Variants in NOS1 observed in about 807,000 individuals in gnomAD.
NOS1 encodes the protein NOS type I.
Under a neutral mutation model 164.5 loss-of-function variants are expected in NOS1, and 51 were observed. The ratio of observed to expected loss-of-function variants is 0.31; its 90% CI spans 0.25 to 0.39. The LOEUF (loss-of-function observed/expected upper bound fraction) is 0.39. Ranked by LOEUF, NOS1 falls within the 10% of genes least tolerant of loss-of-function variation. The pLI is 1.00. For missense variants in NOS1, 1,362 were observed against 1,885.6 expected, an observed-to-expected ratio of 0.72 and a Z score of 5.14; for synonymous variants, 719 against 745.8, an observed-to-expected ratio of 0.96 and a Z score of 0.59.
intron 1 of NOS1, among the ~76,000 whole-genome samples, chr12:117,331,966 CT>C (rs1875570218): frequency 6.6e-6 from 1 of 152,224 alleles, no homozygotes; most frequent in Non-Finnish European, 1.5e-5. Flanking sequence ...GGGAATGACA[CT>C]GCCTTCCATG....
chr12:117,247,289 T>C (rs1390249104), intron 18 of NOS1, 59 bp downstream of exon 18: 1 of 1,370,614 alleles, frequency 7.3e-7, no homozygotes, highest in African/African-American at 1.5e-5. Flanking sequence ...GTTTAGGTGC[T>C]GTCTTTGGGG....
At chr12:117,274,726 C>T (rs1398576548) in intron 9 of NOS1, among the ~76,000 whole-genome samples, 3 of 134,414 alleles carry the variant, frequency 2.2e-5, no homozygotes, top group African/African-American at 5.6e-5. Flanking sequence ...GCCAAGATGG[C>T]GCTACTGCAC....
At chr12:117,289,142 A>C (rs1348230875) in intron 4 of NOS1, among the ~76,000 whole-genome samples, 1 of 152,232 alleles carries the variant, frequency 6.6e-6, no homozygotes, top group African/African-American at 2.4e-5. Flanking sequence ...AAGCAATATA[A>C]TGGTTTGTTG....
chr12:117,326,947 A>T (rs1875282679), intron 2 of NOS1, among the ~76,000 whole-genome samples: 1 of 151,958 alleles, frequency 6.6e-6, no homozygotes, highest in South Asian at 2.1e-4. Flanking sequence ...CCTGGAGGGG[A>T]AGGACCCAGC....
intron 2 of NOS1, among the ~76,000 whole-genome samples, chr12:117,312,256 A>G (rs1273005752): frequency 6.6e-6 from 1 of 152,222 alleles, no homozygotes; most frequent in Non-Finnish European, 1.5e-5. Context: ...TATATTAGAC[A>G]CGGGTTCTCC....
At chr12:117,352,176 A>AATACATACATACATAC (rs71444621) in intron 1 of NOS1, among the ~76,000 whole-genome samples, 4 of 149,112 alleles carry the variant, frequency 2.7e-5, no homozygotes, top group South Asian at 2.2e-4. Context: ...CTGTCTCAGA[A>AATACATACATACATAC]ATACATACAT....
intron 5 of NOS1, among the ~76,000 whole-genome samples, chr12:117,287,468 C>T (rs1474053346): frequency 2.0e-5 from 3 of 151,678 alleles, no homozygotes; most frequent in East Asian, 3.9e-4. Context: ...GATGGAGTCT[C>T]GCTCTGTTCG....
At chr12:117,253,244 C>T (rs550345654) in intron 17 of NOS1, among the ~76,000 whole-genome samples, 1 of 152,086 alleles carries the variant, frequency 6.6e-6, no homozygotes, top group Non-Finnish European at 1.5e-5. Flanking sequence ...TTTTGAGGAG[C>T]CTCCAGGATT....
Position 117,286,198 on chromosome 12 carries a change from T to G in NOS1, c.1196A>C (p.Tyr399Ser). 1 of 1,614,202 alleles carries G rather than the reference T, an allele frequency of 6.2e-7. No homozygotes were observed. Among genetic ancestry groups the G allele is most frequent in the Non-Finnish European group, 8.5e-7 (1 of 1,180,040 alleles). Residue 399 changes from tyrosine to serine, a missense_variant, in exon 6 of 29, where the codon TAC (tyrosine) becomes TCC (serine). Physicochemically the swap from Tyr to Ser is moderately radical, Grantham distance 144 (BLOSUM62 -2). Coordinates refer to ENST00000317775, the MANE Select transcript of NOS1 (RefSeq NM_000620.5). The part of the protein sequence containing the change: ...VNKEIDTTST[Y>S]QLKDTELIYG... ...GATGAGCTCTGTGTCCTTGAGCTGG[T>G]AAGTGCTAGTGGTGTCGATCTCTTT...
At position 117,211,455 on chromosome 12, in the gene NOS1, T is replaced by C. The variant is rs1249406321; in HGVS notation, c.*3854A>G. ...TGGCCAGAACTTTCTTTTCCAAGTATAACTCCAATCGCCTTAATGTCCCTT... is the reference window on the plus strand; with the variant it reads ...TGGCCAGAACTTTCTTTTCCAAGTACAACTCCAATCGCCTTAATGTCCCTT... On this transcript the variant is annotated 3_prime_UTR_variant, in exon 29 of 29. Coordinates refer to ENST00000317775, the MANE Select transcript of NOS1 (RefSeq NM_000620.5). 1.0e-6 allele frequency: 1 copy of C among 984,978 alleles called. No homozygotes were observed. Among genetic ancestry groups the C allele is most frequent in the Non-Finnish European group, 1.2e-6 (1 of 829,684 alleles). The allele number at this position is 984,978 out of a possible 1,614,324, so 61.0% of individuals were successfully genotyped here.
intron 2 of NOS1, among the ~76,000 whole-genome samples, chr12:117,329,148 A>G (rs2136073255): frequency 6.6e-6 from 1 of 152,242 alleles, no homozygotes; most frequent in East Asian, 1.9e-4. Context: ...ATATTTATAT[A>G]TTTATCTTAT....
chr12:117,262,038 G>A (rs1278268946), intron 13 of NOS1, among the ~76,000 whole-genome samples: 5 of 152,104 alleles, frequency 3.3e-5, no homozygotes, highest in African/African-American at 1.2e-4. Flanking sequence ...CAGACAAATC[G>A]CTAACTTCCC....
intron 12 of NOS1, 47 bp downstream of exon 12, chr12:117,265,269 C>G (rs988434925): frequency 2.0e-6 from 3 of 1,463,452 alleles, no homozygotes; most frequent in African/African-American, 2.8e-5. Flanking sequence ...ACACACACAC[C>G]AGATACAGGA....
rs1020746948 is a variant in NOS1 at position 117,272,914 on chromosome 12, A to G, written c.1665-355T>C. 2.6e-5 allele frequency among the ~76,000 whole-genome samples: 4 copies of G among 152,158 alleles called. No homozygotes were observed. The highest frequency in any genetic ancestry group is 5.9e-5 in the Non-Finnish European group (4 of 68,018). On this transcript the variant is annotated intron_variant, in intron 9 of 28. Transcript: ENST00000317775. This position sits in a 1 kb window ranked among gnomAD's most constrained non-coding sequence, Gnocchi z 4.3. ...CCTCCTACCCTCAGGGCCTTTGCAC[A>G]GGCAGCCAAACTTCAGAGCCAAACT...
At chr12:117,253,368 C>T (rs1350271694) in intron 17 of NOS1, among the ~76,000 whole-genome samples, 2 of 152,026 alleles carry the variant, frequency 1.3e-5, no homozygotes, top group African/African-American at 4.8e-5. Flanking sequence ...TCCTTCAGCA[C>T]AAACAATGGG....
At chr12:117,275,958 C>T (rs1418840924) in intron 9 of NOS1, among the ~76,000 whole-genome samples, 1 of 151,986 alleles carries the variant, frequency 6.6e-6, no homozygotes, top group Non-Finnish European at 1.5e-5. Context: ...GTGTTGCTGG[C>T]CCGAGACCTT....
rs113232704 is a variant in NOS1, at chr12:117,298,393, G to A, written c.853-7967C>T. On this transcript the variant is annotated intron_variant, in intron 3 of 28. Coordinates refer to ENST00000317775, the MANE Select transcript of NOS1 (RefSeq NM_000620.5). ...ATGAAGCTTCACTTGCTCGCCTGCCGCTCACCTCCTGCTGTGCAGCCCAGC... is the reference window on the plus strand; with the variant it reads ...ATGAAGCTTCACTTGCTCGCCTGCCACTCACCTCCTGCTGTGCAGCCCAGC... Among the ~76,000 whole-genome samples, 1,191 of 152,220 alleles carry A rather than the reference G, an allele frequency of 7.8e-3. 8 individuals are homozygous for A. The highest frequency in any genetic ancestry group is 0.013 in the Non-Finnish European group (864 of 68,012).
chr12:117,258,015 G>T (rs1460749569), intron 16 of NOS1, among the ~76,000 whole-genome samples: 1 of 151,998 alleles, frequency 6.6e-6, no homozygotes, highest in African/African-American at 2.4e-5. Context: ...ATGTTGGCCA[G>T]GCTGGTCTCG....
intron 13 of NOS1, among the ~76,000 whole-genome samples, chr12:117,261,456 A>G (rs1871903997): frequency 6.6e-6 from 1 of 152,108 alleles, no homozygotes; most frequent in Non-Finnish European, 1.5e-5. Flanking sequence ...CTCATATTCT[A>G]ATGTGTGTGT....
Sources: gnomAD v4.1 joint callset for allele counts (sites outside exome capture counted in the v4.1 genomes callset) on GRCh38, gnomAD v4.1.1 for gene constraint, Gnocchi (gnomAD v3.1) non-coding constraint, MANE v1.5 for transcripts, NCBI Gene and HGNC (gene_info 2026-07-23, HGNC 2026-07-21) for gene names.